The following NSF variants were observed in gnomAD, a reference collection of about 807,000 sequenced individuals.
NSF encodes the protein vesicle-fusing ATPase.
A neutral mutation model predicts 50.3 loss-of-function variants in NSF; 14 were observed. The ratio of observed to expected loss-of-function variants is 0.28; its 90% CI spans 0.18 to 0.44. The LOEUF (loss-of-function observed/expected upper bound fraction) is 0.44. NSF is among the 20% of genes least tolerant of loss of function. The probability of loss-of-function intolerance (pLI) is 1.00; values close to 1 mark genes in which losing one functional copy is unlikely to be tolerated. For missense variants in NSF, 218 were observed against 504.3 expected, an observed-to-expected ratio of 0.43 and a Z score of 5.44; for synonymous variants, 109 against 175.7, an observed-to-expected ratio of 0.62 and a Z score of 3.00.
intron 8 of NSF, among the ~76,000 whole-genome samples, chr17:46,657,975 T>A (rs111747840): frequency 4.6e-5 from 3 of 65,434 alleles, no homozygotes; most frequent in African/African-American, 1.1e-4. Flanking sequence ...TATTTATTTT[T>A]TTTTTTTTTG....
chr17:46,732,141 G>T (rs2058955026), intron 17 of NSF, among the ~76,000 whole-genome samples: 1 of 152,162 alleles, frequency 6.6e-6, no homozygotes, highest in Non-Finnish European at 1.5e-5. Context: ...AACAAAAGTT[G>T]TGAGCATTTT....
In NSF at chr17:46,756,005, G is replaced by A. The variant is rs909058324; in HGVS notation, c.*182G>A. 1.7e-6 allele frequency: 1 copy of A among 592,088 alleles called. No homozygotes were observed. Among genetic ancestry groups the A allele is most frequent in the Non-Finnish European group, 2.9e-6 (1 of 342,812 alleles). The allele number at this position is 592,088 out of a possible 1,614,324, so 36.7% of individuals were successfully genotyped here. On this transcript the variant is annotated 3_prime_UTR_variant, in exon 21 of 21. Coordinates refer to ENST00000398238, the MANE Select transcript of NSF (RefSeq NM_006178.4). Reference sequence around the variant, plus strand: ...TCCTTATGCATACTGAGATAGCTTAGTGTCTCGTGGAAGGTGTCAATTTGG... The same window carrying A: ...TCCTTATGCATACTGAGATAGCTTAATGTCTCGTGGAAGGTGTCAATTTGG...
intron 11 of NSF, 142 bp from the exon 12 acceptor site, chr17:46,694,333 G>A (rs2058574064): frequency 1.7e-6 from 1 of 575,548 alleles, no homozygotes; most frequent in South Asian, 2.0e-5. Flanking sequence ...GTTGCAGTGA[G>A]CTGAGATCGT....
At chr17:46,737,866 A>G (rs1004738073) in intron 17 of NSF, among the ~76,000 whole-genome samples, 1 of 151,864 alleles carries the variant, frequency 6.6e-6, no homozygotes, top group Non-Finnish European at 1.5e-5. Flanking sequence ...CGCTGCAGCA[A>G]TGGAGAGAGA....
intron 1 of NSF, among the ~76,000 whole-genome samples, chr17:46,609,121 G>T (rs547506263): frequency 6.8e-6 from 1 of 147,892 alleles, no homozygotes; most frequent in East Asian, 2.0e-4. Flanking sequence ...CTGTGGTTGA[G>T]TAGAAGGATA....
intron 17 of NSF, among the ~76,000 whole-genome samples, chr17:46,737,573 G>A (rs961464981): frequency 2.0e-4 from 3 of 15,312 alleles, no homozygotes; most frequent in Admixed American, 1.1e-3. Flanking sequence ...GTGTGTGTGC[G>A]TGTGTGTGTG....
In NSF at chr17:46,696,380, G is replaced by C. The variant is rs1256987978; in HGVS notation, c.1374+1718G>C. Among the ~76,000 whole-genome samples the C allele has an allele frequency of 1.6e-4, 22 of 140,928 alleles. 2 individuals are homozygous for C. The highest frequency in any genetic ancestry group is 2.5e-4 in the Non-Finnish European group (17 of 67,840). 92.5% of individuals were successfully genotyped at this position (140,928 alleles called of 152,430 possible). On this transcript the variant is annotated intron_variant, in intron 12 of 20. Coordinates refer to ENST00000398238, the MANE Select transcript of NSF (RefSeq NM_006178.4). ...CCCTCAGTCTAACCCTCCACGTGCAGTAACAGAAAGTACATGCAAGGCAAG... is the reference window on the plus strand; with the variant it reads ...CCCTCAGTCTAACCCTCCACGTGCACTAACAGAAAGTACATGCAAGGCAAG...
chr17:46,676,552 A>G (rs1212576503), intron 9 of NSF, among the ~76,000 whole-genome samples: 2 of 146,000 alleles, frequency 1.4e-5, no homozygotes, highest in African/African-American at 2.7e-5. Context: ...ATTGTAAACC[A>G]TGGATCCTTG....
At chr17:46,691,868 T>A (rs1017995069) in intron 9 of NSF, among the ~76,000 whole-genome samples, 7 of 151,208 alleles carry the variant, frequency 4.6e-5, no homozygotes, top group African/African-American at 1.7e-4. Flanking sequence ...TTTTCCTGCC[T>A]CAGCCTCCAG....
intron 17 of NSF, among the ~76,000 whole-genome samples, chr17:46,730,815 C>A (rs772661854): frequency 2.0e-5 from 3 of 152,104 alleles, no homozygotes; most frequent in Non-Finnish European, 1.5e-5. Flanking sequence ...AGGTACTCAA[C>A]ATCATTAGTC....
intron 17 of NSF, among the ~76,000 whole-genome samples, chr17:46,741,116 A>G (rs970743982): frequency 1.3e-5 from 2 of 152,170 alleles, no homozygotes; most frequent in African/African-American, 4.8e-5. Flanking sequence ...GAAAATAGCA[A>G]TGAGGCCTGA....
At chr17:46,709,931 T>G (rs1193244843) in intron 13 of NSF, among the ~76,000 whole-genome samples, 1 of 152,228 alleles carries the variant, frequency 6.6e-6, no homozygotes, top group African/African-American at 2.4e-5. Flanking sequence ...AGGACCAGTA[T>G]ATGCAAAGAG....
At chr17:46,610,027 T>TTCTTTCTCTCTCTC (rs774244394) in intron 1 of NSF, among the ~76,000 whole-genome samples, 1 of 109,470 alleles carries the variant, frequency 9.1e-6, no homozygotes, top group African/African-American at 3.3e-5. Flanking sequence ...CTTTCTTTCT[T>TTCTTTCTCTCTCTC]TCTCTCTCTC....
At chr17:46,605,738 C>G (rs1185281967) in intron 1 of NSF, among the ~76,000 whole-genome samples, 1 of 78,868 alleles carries the variant, frequency 1.3e-5, no homozygotes, top group Non-Finnish European at 2.5e-5. Flanking sequence ...AAAAAGTGAC[C>G]ACTGATGTAA....
At chr17:46,744,013 G>A (rs1288531133) in intron 17 of NSF, among the ~76,000 whole-genome samples, 5 of 152,062 alleles carry the variant, frequency 3.3e-5, no homozygotes, top group Admixed American at 6.6e-5. Context: ...CCTTGCCAGT[G>A]CCTACTTGTT....
intron 8 of NSF, among the ~76,000 whole-genome samples, chr17:46,664,465 C>CA (rs546247689): frequency 5.1e-3 from 5 of 980 alleles, no homozygotes; most frequent in Admixed American, 0.019. Flanking sequence ...GACCCTGTCT[C>CA]AAAAAAAAAA....
chr17:46,743,490 A>T (rs1345365678), intron 17 of NSF, among the ~76,000 whole-genome samples: 1 of 152,298 alleles, frequency 6.6e-6, no homozygotes, highest in East Asian at 1.9e-4. Context: ...TGAGGAGGAG[A>T]TAGATGCTGA....
At chr17:46,636,027 G>A (rs1470477753) in intron 4 of NSF, among the ~76,000 whole-genome samples, 2 of 58,082 alleles carry the variant, frequency 3.4e-5, no homozygotes, top group Non-Finnish European at 7.1e-5. Flanking sequence ...GCATTTATAA[G>A]TATACTTTTT....
chr17:46,710,820 A>G (rs143175027), intron 13 of NSF, 143 bp from the exon 14 acceptor site: 1 of 667,634 alleles, frequency 1.5e-6, no homozygotes, highest in Non-Finnish European at 2.3e-6. Context: ...GAAATTATAC[A>G]AGTTGTTTTG....
Sources: allele counts gnomAD v4.1 joint callset (sites outside exome capture counted in the v4.1 genomes callset), GRCh38; gene constraint gnomAD v4.1.1; transcripts MANE v1.5; gene names NCBI Gene and HGNC (gene_info 2026-07-23, HGNC 2026-07-21).